Variants in PTPRF observed in about 807,000 individuals in gnomAD.
The protein encoded by PTPRF is receptor-type tyrosine-protein phosphatase F.
A neutral mutation model predicts 201.8 loss-of-function variants in PTPRF; 59 were observed. The observed-to-expected ratio is 0.29, with a 90% CI of 0.24 to 0.36. PTPRF has a LOEUF of 0.36. Among genes scored for constraint, PTPRF ranks in the 10% least tolerant of loss-of-function variants. The pLI is 1.00. For synonymous variants in PTPRF, 1,088 were observed against 1,089.7 expected, an observed-to-expected ratio of 1.00 and a Z score of 0.03; for missense variants, 2,132 against 2,690.5, an observed-to-expected ratio of 0.79 and a Z score of 4.59.
At chr1:43,616,735 C>T (rs1657951058) in intron 23 of PTPRF, among the ~76,000 whole-genome samples, 1 of 152,090 alleles carries the variant, frequency 6.6e-6, no homozygotes, top group Non-Finnish European at 1.5e-5. Flanking sequence ...GTTGAAGGAC[C>T]TCCCGGTGGA....
At chr1:43,578,670 A>G (rs1054112376) in intron 6 of PTPRF, 140 bp from the exon 7 acceptor site, 4 of 648,780 alleles carry the variant, frequency 6.2e-6, no homozygotes, top group Non-Finnish European at 1.1e-5. Flanking sequence ...TCCTGGAAGC[A>G]GCAGGGGTGC....
At position 43,621,318 on chromosome 1, in the gene PTPRF, G is replaced by A. The variant is rs946278783; in HGVS notation, c.5655+86G>A. On this transcript the variant is annotated intron_variant, in intron 33 of 33. Coordinates refer to ENST00000359947, the MANE Select transcript of PTPRF (RefSeq NM_002840.5). Reference sequence around the variant, plus strand: ...CTTTAGCAACAGTTTGATGCCCACAGGCATGTGCATTCATTCATGCTGCCA... The same window carrying A: ...CTTTAGCAACAGTTTGATGCCCACAAGCATGTGCATTCATTCATGCTGCCA... 59 of 1,523,712 alleles carry A rather than the reference G, an allele frequency of 3.9e-5. No individual in the cohort carries two copies. The African/African-American group carries it at 7.2e-4, about 18-fold the overall frequency. The allele number at this position is 1,523,712 out of a possible 1,614,324, so 94.4% of individuals were successfully genotyped here.
At chr1:43,591,611 T>G in intron 9 of PTPRF, 58 bp downstream of exon 9, 1 of 1,488,296 alleles carries the variant, frequency 6.7e-7, no homozygotes. Context: ...GCTGAGGTTG[T>G]GGCGGTGCCT....
chr1:43,523,430 G>A (rs1442596453), upstream of PTPRF, among the ~76,000 whole-genome samples: 1 of 152,196 alleles, frequency 6.6e-6, no homozygotes, highest in Non-Finnish European at 1.5e-5. Flanking sequence ...TCGAGGGACA[G>A]GAGCACTTGA....
intron 3 of PTPRF, among the ~76,000 whole-genome samples, chr1:43,550,380 C>CCCGGCCATT (rs1176127255): frequency 1.3e-5 from 2 of 152,188 alleles, no homozygotes. Flanking sequence ...GGCGCACTCG[C>CCCGGCCATT]CCGGCCATTC....
In PTPRF at chr1:43,617,498, C is replaced by T; in HGVS notation, c.4125C>T (p.Asn1375=). The T allele has an allele frequency of 6.2e-7, 1 of 1,614,124 alleles. No individual in the cohort carries two copies. Among genetic ancestry groups the T allele is most frequent in the Non-Finnish European group, 8.5e-7 (1 of 1,180,002 alleles). ...FTWENSNLEV[N]KPKNRYANVI... ...GGGAGAATTCAAACCTGGAGGTGAA[C>T]AAGCCCAAGAACCGCTATGCGAATG... The change falls in exon 24 of 34, where the codon AAC becomes AAT. Residue 1375 remains asparagine (N), a synonymous_variant. Coordinates refer to ENST00000359947, the MANE Select transcript of PTPRF (RefSeq NM_002840.5).
intron 13 of PTPRF, among the ~76,000 whole-genome samples, chr1:43,600,887 C>A (rs1653590681): frequency 6.6e-6 from 1 of 152,116 alleles, no homozygotes. Context: ...TCCCTTCTTT[C>A]TTGCTCTGCC....
At chr1:43,522,096 G>A (rs1570801513), upstream of PTPRF, among the ~76,000 whole-genome samples, 3 of 152,284 alleles carry the variant, frequency 2.0e-5, no homozygotes, top group South Asian at 6.2e-4. Flanking sequence ...ATCCCCCCTT[G>A]CTTGGCTTCT....
At chr1:43,582,647 G>C (rs946806830) in intron 7 of PTPRF, 4 of 152,416 alleles carry the variant, frequency 2.6e-5, no homozygotes, top group Non-Finnish European at 4.4e-5. Flanking sequence ...CCTTACACCG[G>C]TGGTGTGTGT....
chr1:43,618,008 A>G, intron 25 of PTPRF, 97 bp downstream of exon 25: 1 of 1,271,982 alleles, frequency 7.9e-7, no homozygotes, highest in Non-Finnish European at 1.1e-6. Flanking sequence ...TCTGTGGAGG[A>G]AGTCGCTCAA....
Position 43,605,264 on chromosome 1 carries a change from C to T in PTPRF, c.3210C>T (p.Asn1070=), listed in dbSNP as rs1403435921. The change falls in exon 18 of 34, where the codon AAC becomes AAT. Residue 1070 remains asparagine, a synonymous_variant. Transcript: ENST00000359947. The stretch of plus-strand genomic sequence containing the variant: ...AGCTGATCGCAGACCTGCAGCCCAA[C>T]ACAGAGTACTCGTTTGTGCTGATGA... ...MRKLIADLQP[N]TEYSFVLMNR... The T allele has an allele frequency of 6.2e-7, 1 of 1,612,268 alleles. No individual in the cohort carries two copies. The highest frequency in any genetic ancestry group is 1.3e-5 in the African/African-American group (1 of 74,934).
intron 27 of PTPRF, 41 bp from the exon 28 acceptor site, chr1:43,619,247 G>T: frequency 6.2e-7 from 1 of 1,607,992 alleles, no homozygotes; most frequent in Non-Finnish European, 8.5e-7. Flanking sequence ...GGGGTGGGAG[G>T]TGGGGGCGCC....
intron 19 of PTPRF, among the ~76,000 whole-genome samples, chr1:43,605,914 C>G (rs953585010): frequency 3.9e-5 from 6 of 152,230 alleles, no homozygotes; most frequent in African/African-American, 1.4e-4. Context: ...CCTCGCAGAT[C>G]TAGAAGCTAT....
At chr1:43,602,631 C>T (rs1187486218) in intron 14 of PTPRF, among the ~76,000 whole-genome samples, 2 of 152,200 alleles carry the variant, frequency 1.3e-5, no homozygotes, top group African/African-American at 2.4e-5. Context: ...ACGGTGGTCC[C>T]TGCCCTGCTT....
Position 43,604,114 on chromosome 1 carries a change from G to T in PTPRF, c.2962G>T (p.Val988Phe). ...GCCAGACACCACTTACGACATCAAG[G>T]TCCGCGCATGGACCAGCAAAGGCTC... ...LKPDTTYDIK[V>F]RAWTSKGSGP... Residue 988 changes from valine (V) to phenylalanine (F), a missense_variant, in exon 16 of 34, where the codon GTC (valine) becomes TTC (phenylalanine). Val to Phe is a conservative substitution (Grantham distance 50, BLOSUM62 -1). This residue lies in a region of PTPRF where 818 missense variants were observed against 915.3 expected (regional missense o/e 0.89). Coordinates refer to ENST00000359947, the MANE Select transcript of PTPRF (RefSeq NM_002840.5). The T allele has an allele frequency of 1.2e-6, 2 of 1,614,160 alleles. No individual in the cohort carries two copies. The highest frequency in any genetic ancestry group is 1.7e-6 in the Non-Finnish European group (2 of 1,180,040).
At position 43,577,571 on chromosome 1, in the gene PTPRF, G is replaced by C. The variant is rs1416138026; in HGVS notation, c.569-1239G>C. On this transcript the variant is annotated intron_variant, in intron 6 of 33. Transcript: ENST00000359947. ...GTGAGGTGGCTATAGGTCAGACCCA[G>C]GGTGGTACCCCTTTGGGCCCCAACC... Among the ~76,000 whole-genome samples the C allele has an allele frequency of 3.9e-5, 6 of 152,216 alleles. No homozygotes were observed. In the South Asian group the frequency reaches 1.2e-3, roughly 32 times the overall value.
intron 22 of PTPRF, 58 bp downstream of exon 22, chr1:43,609,556 T>C (rs517622): frequency 0.97 from 1,321,068 of 1,364,030 alleles, 639,934 homozygotes; most frequent in East Asian, 1. Flanking sequence ...CCTGTGGGTC[T>C]GTTCTGCAGG....
chr1:43,558,959 G>C (rs1379375374), intron 5 of PTPRF, among the ~76,000 whole-genome samples: 1 of 152,230 alleles, frequency 6.6e-6, no homozygotes, highest in Non-Finnish European at 1.5e-5. Flanking sequence ...ACTTTGGGTA[G>C]GTTCTGGGAG....
intron 21 of PTPRF, among the ~76,000 whole-genome samples, chr1:43,607,902 G>A (rs1041619824): frequency 6.6e-6 from 1 of 152,230 alleles, no homozygotes; most frequent in Non-Finnish European, 1.5e-5. Flanking sequence ...AACGCAGCTG[G>A]GCCTGTGTGC....
Sources: gnomAD v4.1 joint callset for allele counts (sites outside exome capture counted in the v4.1 genomes callset) on GRCh38, gnomAD v4.1.1 for gene constraint, gnomAD v4.1.1 regional missense constraint, MANE v1.5 for transcripts, NCBI Gene and HGNC (gene_info 2026-07-23, HGNC 2026-07-21) for gene names.